The following STS variants were observed in gnomAD, a reference collection of about 807,000 sequenced individuals.
STS encodes steroid sulfatase, also known as steryl-sulfatase.
STS carries 7 observed loss-of-function variants against 26.8 expected under a neutral mutation model. The observed-to-expected ratio is 0.26, with a 90% CI of 0.15 to 0.49. STS has a LOEUF of 0.49. STS is among the 20% of genes least tolerant of loss of function. The pLI is 0.98. For synonymous variants in STS, 199 were observed against 189.4 expected (o/e 1.05, Z -0.42); for missense variants, 434 against 465.6 (o/e 0.93, Z 0.63).
At chrX:7,254,359 G>A in intron 3 of STS, among the ~76,000 whole-genome samples, 1 of 111,071 alleles carries the variant, frequency 9.0e-6, no homozygotes. Context: ...CTATTTTAAG[G>A]ACCCTTTTGT....
At chrX:7,299,410 T>C (rs1162228279) in intron 7 of STS, among the ~76,000 whole-genome samples, 1 of 102,547 alleles carries the variant, frequency 9.8e-6, no homozygotes, top group Non-Finnish European at 1.9e-5. Flanking sequence ...GTATAAAATA[T>C]ATAATTTTAT....
intron 2 of STS, among the ~76,000 whole-genome samples, chrX:7,243,422 A>G (rs1922713669): frequency 8.9e-6 from 1 of 111,870 alleles, no homozygotes; most frequent in African/African-American, 3.3e-5. Flanking sequence ...TCAAGGTGAC[A>G]TCTTAGGGTA....
intron 7 of STS, among the ~76,000 whole-genome samples, chrX:7,292,138 A>G (rs1436457643): frequency 8.8e-6 from 1 of 113,011 alleles, no homozygotes; most frequent in Non-Finnish European, 1.9e-5. Flanking sequence ...CTGCCTTGCA[A>G]TTAAGCATAG....
intron 2 of STS, among the ~76,000 whole-genome samples, chrX:7,202,167 C>T (rs926036516): frequency 2.7e-5 from 3 of 111,496 alleles, no homozygotes; most frequent in Admixed American, 1.9e-4. Flanking sequence ...TAGCAAATAT[C>T]TTTGTTTTCA....
At chrX:7,205,520 G>A (rs752190424) in intron 2 of STS, among the ~76,000 whole-genome samples, 21 of 111,985 alleles carry the variant, frequency 1.9e-4, no homozygotes, top group South Asian at 7.4e-4. Context: ...TTATTCAGGG[G>A]CCAATGCAAC....
At chrX:7,289,289 G>T (rs754221251) in intron 7 of STS, among the ~76,000 whole-genome samples, 6 of 111,455 alleles carry the variant, frequency 5.4e-5, no homozygotes, top group African/African-American at 9.8e-5. Context: ...ACAGTGATTT[G>T]CAACCCATGT....
chrX:7,204,099 C>G lies in STS; in HGVS notation c.-5+13091C>G, dbSNP rs955458452. Among the ~76,000 whole-genome samples the G allele has an allele frequency of 2.7e-5, 3 of 112,125 alleles. No homozygotes were observed. In the South Asian group the frequency reaches 1.1e-3, roughly 42 times the overall value. ...CTGCACCTGGACAGATTGTTTTTCA[C>G]ATTTGTGCTGATGTTGCCTTTATAT... On this transcript the variant is annotated intron_variant, in intron 2 of 10. Coordinates refer to ENST00000674429, the MANE Select transcript of STS (RefSeq NM_001320752.2).
chrX:7,205,886 G>A (rs1199664633), intron 2 of STS, among the ~76,000 whole-genome samples: 1 of 107,920 alleles, frequency 9.3e-6, no homozygotes, highest in Non-Finnish European at 1.9e-5. Context: ...AACATGCTGG[G>A]ATTACAGGTG....
chrX:7,227,945 TC>T (rs748349871), intron 2 of STS, among the ~76,000 whole-genome samples: 2 of 111,835 alleles, frequency 1.8e-5, no homozygotes, highest in Admixed American at 1.9e-4. Flanking sequence ...TTTAGATACC[TC>T]CTGTAAGTGG....
At chrX:7,191,157 A>G (rs932708545) in intron 2 of STS, 149 bp downstream of exon 2, 3 of 196,968 alleles carry the variant, frequency 1.5e-5, no homozygotes, top group Admixed American at 1.9e-4. Flanking sequence ...GATGACATAC[A>G]CATGGTGCTA....
At chrX:7,283,911 C>T (rs1450472191) in intron 7 of STS, among the ~76,000 whole-genome samples, 2 of 110,867 alleles carry the variant, frequency 1.8e-5, no homozygotes, top group African/African-American at 6.6e-5. Flanking sequence ...TTCCCAGGTG[C>T]ATGGCATGCC....
At chrX:7,157,191 TTTGC>T (rs1327489029) in intron 1 of STS, among the ~76,000 whole-genome samples, 2 of 111,916 alleles carry the variant, frequency 1.8e-5, no homozygotes, top group Non-Finnish European at 3.8e-5. Flanking sequence ...ACTTGCCCAA[TTTGC>T]ATTGAGATGC....
intron 1 of STS, among the ~76,000 whole-genome samples, chrX:7,186,878 A>G (rs1380638944): frequency 2.7e-5 from 3 of 111,529 alleles, no homozygotes; most frequent in South Asian, 3.8e-4. Context: ...CTTGGGGTCA[A>G]CACTTGCAGG....
intron 2 of STS, among the ~76,000 whole-genome samples, chrX:7,204,548 C>A (rs1254923521): frequency 2.2e-5 from 2 of 91,911 alleles, no homozygotes; most frequent in African/African-American, 8.0e-5. Flanking sequence ...TCCTTTCCTC[C>A]CTTCCTTCCC....
At chrX:7,204,032 A>G (rs111678058) in intron 2 of STS, among the ~76,000 whole-genome samples, 6 of 111,312 alleles carry the variant, frequency 5.4e-5, no homozygotes, top group African/African-American at 2.0e-4. Context: ...TGATCCTCCC[A>G]CACTTGGCCT....
intron 8 of STS, among the ~76,000 whole-genome samples, chrX:7,314,293 G>A (rs1224930837): frequency 9.0e-6 from 1 of 111,365 alleles, no homozygotes; most frequent in Non-Finnish European, 1.9e-5. Flanking sequence ...GGAGGTGGAG[G>A]CTGCAGTGAG....
intron 1 of STS, among the ~76,000 whole-genome samples, chrX:7,162,769 G>A (rs1005260882): frequency 1.9e-5 from 2 of 107,389 alleles, no homozygotes; most frequent in African/African-American, 6.8e-5. Context: ...AAGACTGGCC[G>A]GGCGCAGTGG....
chrX:7,289,771 A>C (rs1340909453), intron 7 of STS, among the ~76,000 whole-genome samples: 1 of 111,348 alleles, frequency 9.0e-6, no homozygotes, highest in African/African-American at 3.3e-5. Flanking sequence ...CAGCCCCCCA[A>C]GTAGCAGGGA....
At chrX:7,349,800 G>A (rs1361039795) in intron 10 of STS, 88 bp from the exon 11 acceptor site, 9 of 1,143,494 alleles carry the variant, frequency 7.9e-6, no homozygotes, top group Non-Finnish European at 1.1e-5. Context: ...AAAGCACATG[G>A]CAGCATAATT....
Sources: gnomAD v4.1 joint callset for allele counts (sites outside exome capture counted in the v4.1 genomes callset) on GRCh38, gnomAD v4.1.1 for gene constraint, MANE v1.5 for transcripts, NCBI Gene and HGNC (gene_info 2026-07-23, HGNC 2026-07-21) for gene names.